Variants in TRMT11 observed in about 807,000 individuals in gnomAD.
TRMT11 encodes tRNA (guanine(10)-N(2))-methyltransferase TRMT11.
Under a neutral mutation model 62.8 loss-of-function variants are expected in TRMT11, and 53 were observed. That is an observed-to-expected ratio of 0.84 (90% CI 0.68 to 1.06). The LOEUF (loss-of-function observed/expected upper bound fraction) is 1.06. Ranked by LOEUF, TRMT11 falls within the 50% of genes least tolerant of loss-of-function variation. TRMT11 has a pLI of 0.00. For synonymous variants in TRMT11, 188 were observed against 190.3 expected, an observed-to-expected ratio of 0.99 and a Z score of 0.10; for missense variants, 556 against 553.4, an observed-to-expected ratio of 1.00 and a Z score of -0.05.
At chr6:126,001,182 A>G (rs1792418173) in intron 7 of TRMT11, among the ~76,000 whole-genome samples, 2 of 152,072 alleles carry the variant, frequency 1.3e-5, no homozygotes, top group Admixed American at 1.3e-4. Flanking sequence ...TGATATTCAT[A>G]TTTCAGTCTT....
At chr6:126,136,330 A>G (rs1777849613) in intron 21 of TRMT11, among the ~76,000 whole-genome samples, 1 of 151,770 alleles carries the variant, frequency 6.6e-6, no homozygotes, top group Admixed American at 6.6e-5. Flanking sequence ...TACAAGATAC[A>G]AATAACATAT....
chr6:126,143,742 T>C (rs1415600226), intron 21 of TRMT11, among the ~76,000 whole-genome samples: 1 of 152,198 alleles, frequency 6.6e-6, no homozygotes, highest in South Asian at 2.1e-4. Flanking sequence ...TATTGTGAAA[T>C]TGGAAAAACT....
the TRMT11 span, among the ~76,000 whole-genome samples, chr6:126,238,057 A>G: frequency 6.6e-6 from 1 of 152,044 alleles, no homozygotes; most frequent in Non-Finnish European, 1.5e-5. Context: ...CGGTGGTGAT[A>G]TCCCCTTTAT....
At chr6:126,046,853 T>C (rs912244590) in intron 16 of TRMT11, among the ~76,000 whole-genome samples, 7 of 152,168 alleles carry the variant, frequency 4.6e-5, no homozygotes, top group Non-Finnish European at 7.3e-5. Context: ...AATGACATGT[T>C]ATATGCTTGA....
intron 11 of TRMT11, among the ~76,000 whole-genome samples, chr6:126,015,199 T>C (rs908273077): frequency 6.6e-6 from 1 of 151,902 alleles, no homozygotes; most frequent in Non-Finnish European, 1.5e-5. Context: ...TATATCTACC[T>C]CCCCCCGACT....
intron 21 of TRMT11, among the ~76,000 whole-genome samples, chr6:126,124,622 C>T (rs1044858665): frequency 9.2e-5 from 14 of 152,046 alleles, no homozygotes; most frequent in African/African-American, 3.4e-4. Context: ...TTCTCTCAGG[C>T]CTGTCACTGG....
chr6:126,098,501 TA>T (rs1182628112), intron 17 of TRMT11, among the ~76,000 whole-genome samples: 2 of 152,206 alleles, frequency 1.3e-5, no homozygotes, highest in Admixed American at 6.5e-5. Context: ...TCTGAGCTTT[TA>T]AAAAGTACCT....
At chr6:126,229,472 T>C in the TRMT11 span, among the ~76,000 whole-genome samples, 1 of 152,192 alleles carries the variant, frequency 6.6e-6, no homozygotes, top group Non-Finnish European at 1.5e-5. Flanking sequence ...TGGGCAGTCA[T>C]TGTAATCACA....
chr6:126,164,482 G>T (rs1294667016), intron 21 of TRMT11, among the ~76,000 whole-genome samples: 1 of 152,152 alleles, frequency 6.6e-6, no homozygotes, highest in Non-Finnish European at 1.5e-5. Flanking sequence ...TTGTAGATGT[G>T]TATTAGGTCC....
At chr6:126,074,674 A>T (rs1269035915) in intron 17 of TRMT11, among the ~76,000 whole-genome samples, 1 of 152,136 alleles carries the variant, frequency 6.6e-6, no homozygotes, top group Non-Finnish European at 1.5e-5. Flanking sequence ...TATTTTCCTC[A>T]ATCAGACAGA....
chr6:126,182,756 A>G (rs1239017144), intron 1 of TRMT11, among the ~76,000 whole-genome samples: 2 of 152,124 alleles, frequency 1.3e-5, no homozygotes, highest in African/African-American at 4.8e-5. Flanking sequence ...TTTGGAACTT[A>G]GGACTCTGGG....
At chr6:126,090,793 C>A (rs567169401) in intron 17 of TRMT11, among the ~76,000 whole-genome samples, 1 of 152,088 alleles carries the variant, frequency 6.6e-6, no homozygotes, top group Admixed American at 6.5e-5. Flanking sequence ...CATACACGTG[C>A]GGTATGGGTG....
chr6:126,261,181 T>C, the TRMT11 span, among the ~76,000 whole-genome samples: 1 of 152,174 alleles, frequency 6.6e-6, no homozygotes, highest in Non-Finnish European at 1.5e-5. Context: ...AGTTCAGAAA[T>C]TCATTATTCT....
At chr6:126,151,689 A>G (rs1778040859) in intron 21 of TRMT11, among the ~76,000 whole-genome samples, 1 of 150,498 alleles carries the variant, frequency 6.6e-6, no homozygotes, top group Non-Finnish European at 1.5e-5. Context: ...ACTGTCTCCC[A>G]CCCTTTTATT....
chr6:126,258,480 G>C, the TRMT11 span: 1 of 225,506 alleles, frequency 4.4e-6, no homozygotes. Context: ...GGGGGTGCTG[G>C]GGGACAGCTG....
At chr6:126,101,707 TC>T (rs1171903655) in intron 17 of TRMT11, among the ~76,000 whole-genome samples, 1 of 152,246 alleles carries the variant, frequency 6.6e-6, no homozygotes, top group Non-Finnish European at 1.5e-5. Flanking sequence ...GGACAGCTGA[TC>T]ATCTGAGGAA....
chr6:126,006,191 T>C (rs1385882442), intron 7 of TRMT11, among the ~76,000 whole-genome samples: 2 of 152,040 alleles, frequency 1.3e-5, no homozygotes, highest in African/African-American at 2.4e-5. Flanking sequence ...AGTCCCATTG[T>C]CTAGCAGTAT....
chr6:126,124,290 A>T (rs1227987502), intron 21 of TRMT11, among the ~76,000 whole-genome samples: 1 of 152,086 alleles, frequency 6.6e-6, no homozygotes, highest in Non-Finnish European at 1.5e-5. Context: ...ATTTTATTCT[A>T]TCTGGCTGGT....
At chr6:126,258,150 T>C in the TRMT11 span, 1 of 773,708 alleles carries the variant, frequency 1.3e-6, no homozygotes, top group South Asian at 1.3e-5. Flanking sequence ...GATCCACTCC[T>C]CCAGGTTGAG....
Sources: allele counts gnomAD v4.1 joint callset (sites outside exome capture counted in the v4.1 genomes callset), GRCh38; gene constraint gnomAD v4.1.1; transcripts MANE v1.5; gene names NCBI Gene and HGNC (gene_info 2026-07-23, HGNC 2026-07-21).